EXOC6B: variants seen among roughly 807,000 people sequenced by gnomAD.
EXOC6B encodes SEC15 homolog B.
EXOC6B carries 54 observed loss-of-function variants against 113.5 expected under a neutral mutation model. That is an observed-to-expected ratio of 0.48 (90% CI 0.38 to 0.60). The LOEUF (loss-of-function observed/expected upper bound fraction) is 0.60. EXOC6B is among the 20% of genes least tolerant of loss of function. EXOC6B has a pLI of 0.00. For missense variants in EXOC6B, 797 were observed against 977.5 expected, an observed-to-expected ratio of 0.82 and a Z score of 2.46; for synonymous variants, 357 against 339.0, an observed-to-expected ratio of 1.05 and a Z score of -0.58.
chr2:72,245,004 G>T (rs747602455), intron 20 of EXOC6B, among the ~76,000 whole-genome samples: 1 of 152,150 alleles, frequency 6.6e-6, no homozygotes, highest in African/African-American at 2.4e-5. Context: ...TAAATGAAGA[G>T]TTATTCCATG....
At chr2:72,186,537 A>G (rs182842560) in intron 20 of EXOC6B, among the ~76,000 whole-genome samples, 97 of 126,634 alleles carry the variant, frequency 7.7e-4, no homozygotes, top group Non-Finnish European at 1.3e-3. Context: ...TTTTTCACAA[A>G]TAAAAAAAAA....
intron 21 of EXOC6B, among the ~76,000 whole-genome samples, chr2:72,180,336 A>T (rs186501421): frequency 6.6e-6 from 1 of 152,220 alleles, no homozygotes; most frequent in Admixed American, 6.5e-5. Context: ...CTAGGCTGAG[A>T]TGGTCACAGA....
chr2:72,474,934 C>G (rs1197051614), intron 17 of EXOC6B, among the ~76,000 whole-genome samples: 1 of 152,090 alleles, frequency 6.6e-6, no homozygotes, highest in Non-Finnish European at 1.5e-5. Context: ...GAAGATGTAT[C>G]TATGCTGTTA....
chr2:72,357,527 A>G (rs1364347888), intron 19 of EXOC6B, among the ~76,000 whole-genome samples: 1 of 151,736 alleles, frequency 6.6e-6, no homozygotes, highest in Non-Finnish European at 1.5e-5. Flanking sequence ...CTTGTCTCTA[A>G]AAAAAATACA....
chr2:72,433,506 A>G (rs1695671730), intron 18 of EXOC6B, among the ~76,000 whole-genome samples: 2 of 152,210 alleles, frequency 1.3e-5, no homozygotes, highest in Admixed American at 6.5e-5. Context: ...CAGTATGGCC[A>G]TTTTTATGAT....
chr2:72,623,992 C>T (rs1238072953), intron 6 of EXOC6B, among the ~76,000 whole-genome samples: 1 of 152,172 alleles, frequency 6.6e-6, no homozygotes, highest in Non-Finnish European at 1.5e-5. Flanking sequence ...TCTGGTTATA[C>T]TTCTATAGCA....
At chr2:72,306,277 A>T (rs1388756857) in intron 20 of EXOC6B, among the ~76,000 whole-genome samples, 1 of 152,238 alleles carries the variant, frequency 6.6e-6, no homozygotes, top group Admixed American at 6.5e-5. Context: ...ACTGAGTTCT[A>T]GAGAGTTAGG....
intron 20 of EXOC6B, among the ~76,000 whole-genome samples, chr2:72,193,719 C>G (rs1363861192): frequency 6.6e-6 from 1 of 152,076 alleles, no homozygotes; most frequent in Non-Finnish European, 1.5e-5. Flanking sequence ...GGGTGTCAAG[C>G]AAGGAATCTG....
intron 18 of EXOC6B, among the ~76,000 whole-genome samples, chr2:72,403,650 T>C (rs1396504183): frequency 9.2e-5 from 14 of 152,142 alleles, no homozygotes; most frequent in Admixed American, 9.2e-4. Flanking sequence ...GCTATGATTG[T>C]GCCACTGTAC....
intron 20 of EXOC6B, among the ~76,000 whole-genome samples, chr2:72,298,514 T>C (rs1409969069): frequency 6.6e-6 from 1 of 152,190 alleles, no homozygotes; most frequent in Non-Finnish European, 1.5e-5. Flanking sequence ...ATGTGTGAAT[T>C]TGATCCTGTC....
rs865814905 is a variant in EXOC6B at position 72,585,045 on chromosome 2, C to T, written c.670-9377G>A. Among the ~76,000 whole-genome samples the T allele has an allele frequency of 7.2e-5, 11 of 152,034 alleles. No individual in the cohort carries two copies. In the Middle Eastern group the frequency reaches 0.01, roughly 142 times the overall value. ...GAAAGTTTATAGCCCTAAACATCTA[C>T]CTAAAAAAGTTAGAAAGATCTCAAA... On this transcript the variant is annotated intron_variant, in intron 6 of 21. Transcript: ENST00000272427.
At position 72,500,739 on chromosome 2, in the gene EXOC6B, T is replaced by C. The variant is rs114700605; in HGVS notation, c.1168-767A>G. Among the ~76,000 whole-genome samples, 732 of 152,266 alleles carry C rather than the reference T, an allele frequency of 4.8e-3. 9 individuals carry two copies. Among genetic ancestry groups the C allele is most frequent in the African/African-American group, 0.016 (680 of 41,572 alleles). Reference sequence around the variant, plus strand: ...TTTCTGTGGGCAGGATACAAAGATGTGTATGTCATTATTGTAAAAATTCAT... The same window carrying C: ...TTTCTGTGGGCAGGATACAAAGATGCGTATGTCATTATTGTAAAAATTCAT... On this transcript the variant is annotated intron_variant, in intron 11 of 21. Transcript: ENST00000272427.
At chr2:72,411,015 C>A (rs1394105755) in intron 18 of EXOC6B, among the ~76,000 whole-genome samples, 1 of 152,140 alleles carries the variant, frequency 6.6e-6, no homozygotes, top group Non-Finnish European at 1.5e-5. Context: ...TCAAGACCAG[C>A]CTGAGCAACA....
At chr2:72,520,341 TCTC>T (rs1421700536) in intron 8 of EXOC6B, among the ~76,000 whole-genome samples, 1 of 152,224 alleles carries the variant, frequency 6.6e-6, no homozygotes, top group Non-Finnish European at 1.5e-5. Flanking sequence ...TTCCTATTCA[TCTC>T]CTCATGTAAT....
intron 18 of EXOC6B, among the ~76,000 whole-genome samples, chr2:72,459,527 G>C (rs536905352): frequency 2.5e-4 from 38 of 152,220 alleles, no homozygotes; most frequent in South Asian, 8.3e-4. Flanking sequence ...CAAAATCAAT[G>C]TACAAAAGTC....
intron 7 of EXOC6B, among the ~76,000 whole-genome samples, chr2:72,568,536 TACAC>T (rs1411635672): frequency 6.6e-6 from 1 of 151,688 alleles, no homozygotes; most frequent in African/African-American, 2.4e-5. Flanking sequence ...AACATACACA[TACAC>T]ACACACGCAC....
intron 6 of EXOC6B, among the ~76,000 whole-genome samples, chr2:72,642,192 G>A (rs1440898548): frequency 6.6e-6 from 1 of 151,606 alleles, no homozygotes; most frequent in Non-Finnish European, 1.5e-5. Context: ...TACTGCCCAA[G>A]GTAATTTACA....
intron 1 of EXOC6B, among the ~76,000 whole-genome samples, chr2:72,772,191 A>G (rs1460037368): frequency 6.6e-6 from 1 of 152,174 alleles, no homozygotes; most frequent in Non-Finnish European, 1.5e-5. Context: ...TGAGCACCCT[A>G]CTTCACTGGG....
At chr2:72,563,276 T>A (rs1217426182) in intron 7 of EXOC6B, among the ~76,000 whole-genome samples, 1 of 152,126 alleles carries the variant, frequency 6.6e-6, no homozygotes, top group Non-Finnish European at 1.5e-5. Context: ...ATTGATAGAT[T>A]AGGCACATGA....
Sources: gnomAD v4.1 joint callset for allele counts (sites outside exome capture counted in the v4.1 genomes callset) on GRCh38, gnomAD v4.1.1 for gene constraint, MANE v1.5 for transcripts, NCBI Gene and HGNC (gene_info 2026-07-23, HGNC 2026-07-21) for gene names.